Variants in POU1F1 observed in about 807,000 individuals in gnomAD.
POU1F1 encodes the protein pituitary-specific positive transcription factor 1.
A neutral mutation model predicts 32.3 loss-of-function variants in POU1F1; 23 were observed. The ratio of observed to expected loss-of-function variants is 0.71; its 90% CI spans 0.51 to 1.01. The LOEUF (loss-of-function observed/expected upper bound fraction) is 1.01, where lower values mean the gene tolerates loss of function less well. Ranked by LOEUF, POU1F1 falls within the 50% of genes least tolerant of loss-of-function variation. The probability of loss-of-function intolerance (pLI) is 0.00; values close to 1 mark genes in which losing one functional copy is unlikely to be tolerated. For missense variants in POU1F1, 323 were observed against 341.6 expected, an observed-to-expected ratio of 0.95 and a Z score of 0.43; for synonymous variants, 120 against 115.6, an observed-to-expected ratio of 1.04 and a Z score of -0.25.
At chr3:87,265,444 T>A (rs939578018) in intron 2 of POU1F1, among the ~76,000 whole-genome samples, 3 of 152,048 alleles carry the variant, frequency 2.0e-5, no homozygotes, top group African/African-American at 7.2e-5. Flanking sequence ...CTATCTCAGT[T>A]GGGAAGTATA....
chr3:87,266,125 T>C (rs1167263505), intron 2 of POU1F1, among the ~76,000 whole-genome samples: 1 of 149,746 alleles, frequency 6.7e-6, no homozygotes, highest in African/African-American at 2.4e-5. Flanking sequence ...TACATTAATA[T>C]ATCAATATAT....
intron 2 of POU1F1, among the ~76,000 whole-genome samples, chr3:87,268,827 G>T (rs1354768283): frequency 6.6e-6 from 1 of 152,116 alleles, no homozygotes; most frequent in Non-Finnish European, 1.5e-5. Flanking sequence ...TTTCTAAATT[G>T]CTATGTATGC....
chr3:87,274,971 T>A (rs922191416), intron 1 of POU1F1, among the ~76,000 whole-genome samples: 1 of 151,966 alleles, frequency 6.6e-6, no homozygotes, highest in Non-Finnish European at 1.5e-5. Flanking sequence ...TTTACTAGAT[T>A]ATTACCTCGA....
chr3:87,276,568 T>C lies in POU1F1; in HGVS notation c.-106A>G. The C allele has an allele frequency of 7.5e-7, 1 of 1,338,872 alleles. No homozygotes were observed. Among genetic ancestry groups the C allele is most frequent in the Non-Finnish European group, 1.0e-6 (1 of 959,386 alleles). The allele number at this position is 1,338,872 out of a possible 1,614,324, so 82.9% of individuals were successfully genotyped here. On this transcript the variant is annotated 5_prime_UTR_variant, in exon 1 of 6. Coordinates refer to ENST00000350375, the MANE Select transcript of POU1F1 (RefSeq NM_000306.4). ...ATTCAATTCTCACTACCTGCATATATACATCAGGAAGGCTCTGAGGCACCA... is the reference window on the plus strand; with the variant it reads ...ATTCAATTCTCACTACCTGCATATACACATCAGGAAGGCTCTGAGGCACCA...
At chr3:87,268,390 AGCCACT>A (rs1706666714) in intron 2 of POU1F1, among the ~76,000 whole-genome samples, 1 of 152,036 alleles carries the variant, frequency 6.6e-6, no homozygotes, top group South Asian at 2.1e-4. Context: ...TACAGTTGTG[AGCCACT>A]GCACCTGGTT....
chr3:87,272,649 T>C (rs970822371), intron 2 of POU1F1, among the ~76,000 whole-genome samples: 12 of 152,180 alleles, frequency 7.9e-5, no homozygotes, highest in Admixed American at 6.6e-4. Context: ...CCATAATTGA[T>C]ACAGTCATAC....
intron 2 of POU1F1, among the ~76,000 whole-genome samples, chr3:87,265,807 C>T (rs1029569447): frequency 6.6e-6 from 1 of 151,846 alleles, no homozygotes; most frequent in Non-Finnish European, 1.5e-5. Flanking sequence ...AAATACTACA[C>T]CATTTTATAC....
At chr3:87,276,068 A>G (rs903460112) in intron 1 of POU1F1, among the ~76,000 whole-genome samples, 1 of 152,144 alleles carries the variant, frequency 6.6e-6, no homozygotes, top group Non-Finnish European at 1.5e-5. Context: ...TTCTTTTCTT[A>G]TGTAGAAAAC....
chr3:87,260,091 C>T lies in POU1F1; in HGVS notation c.679G>A (p.Asp227Asn). The change falls in exon 6 of 6, where the codon GAT becomes AAT. Residue 227 changes from aspartate to asparagine, a missense_variant. Physicochemically the swap from Asp to Asn is conservative, Grantham distance 23 (BLOSUM62 1). Coordinates refer to ENST00000350375, the MANE Select transcript of POU1F1 (RefSeq NM_000306.4). ...RRTTISIAAK[D>N]ALERHFGEQN... ...TCTCCAAAGTGTCTCTCCAGAGCAT[C>T]TTTAGCAGCAATGCTGGCGGGGGGT... 1.9e-6 allele frequency: 3 copies of T among 1,613,544 alleles called. No homozygotes were observed. The highest frequency in any genetic ancestry group is 2.5e-6 in the Non-Finnish European group (3 of 1,179,824).
At position 87,259,903 on chromosome 3, in the gene POU1F1, C is replaced by T. The variant is rs144079829; in HGVS notation, c.867G>A (p.Glu289=). 11 of 1,613,354 alleles carry T rather than the reference C, an allele frequency of 6.8e-6. No homozygotes were observed. In the Admixed American group the frequency reaches 8.3e-5, roughly 12 times the overall value. ...SLFSISKEHL[E]CR is the part of the protein sequence containing the mutation. ...ATACAATAGAAAAATCTTATCTGCACTCAAGATGTTCCTTAGAAATAGAAA... is the reference window on the plus strand; with the variant it reads ...ATACAATAGAAAAATCTTATCTGCATTCAAGATGTTCCTTAGAAATAGAAA... The change falls in exon 6 of 6, where the codon GAG becomes GAA. Residue 289 remains glutamate (E), a synonymous_variant. Transcript: ENST00000350375.
chr3:87,268,890 G>T (rs912677808), intron 2 of POU1F1, among the ~76,000 whole-genome samples: 2 of 152,154 alleles, frequency 1.3e-5, no homozygotes, highest in East Asian at 1.9e-4. Context: ...TTTAAAGCAG[G>T]CAATGGGGGT....
intron 2 of POU1F1, among the ~76,000 whole-genome samples, chr3:87,272,926 A>T (rs1472233160): frequency 6.6e-6 from 1 of 152,168 alleles, no homozygotes; most frequent in Non-Finnish European, 1.5e-5. Context: ...GAGCACTTGA[A>T]ATGTAGCAAG....
At chr3:87,260,930 A>T (rs1312997263) in intron 5 of POU1F1, among the ~76,000 whole-genome samples, 2 of 144,208 alleles carry the variant, frequency 1.4e-5, no homozygotes, top group African/African-American at 2.6e-5. Context: ...ATTTATTTTG[A>T]GACGGTGTCT....
intron 1 of POU1F1, among the ~76,000 whole-genome samples, chr3:87,273,900 T>C (rs1463890057): frequency 6.6e-6 from 1 of 152,200 alleles, no homozygotes; most frequent in Non-Finnish European, 1.5e-5. Flanking sequence ...AGAAATTCAC[T>C]CTTGAACAGC....
chr3:87,268,327 G>A (rs560764369), intron 2 of POU1F1, among the ~76,000 whole-genome samples: 35 of 151,574 alleles, frequency 2.3e-4, no homozygotes, highest in African/African-American at 2.7e-4. Flanking sequence ...GGCTATTCTC[G>A]GACTCCTGAC....
chr3:87,272,172 T>C (rs1419849050), intron 2 of POU1F1, among the ~76,000 whole-genome samples: 1 of 151,952 alleles, frequency 6.6e-6, no homozygotes, highest in Non-Finnish European at 1.5e-5. Context: ...CCACAGTTTT[T>C]CCCTCAGTAT....
At chr3:87,269,625 C>T (rs1337171199) in intron 2 of POU1F1, among the ~76,000 whole-genome samples, 1 of 152,104 alleles carries the variant, frequency 6.6e-6, no homozygotes, top group African/African-American at 2.4e-5. Flanking sequence ...TGTCAGTTGC[C>T]AGGCTGATTT....
intron 5 of POU1F1, among the ~76,000 whole-genome samples, chr3:87,260,820 T>C (rs1325609076): frequency 6.6e-6 from 1 of 151,826 alleles, no homozygotes; most frequent in Admixed American, 6.6e-5. Flanking sequence ...ATGTTGAAAA[T>C]TATTAGCTCT....
intron 3 of POU1F1, 85 bp downstream of exon 3, chr3:87,264,202 AC>A: frequency 2.8e-6 from 3 of 1,060,008 alleles, no homozygotes; most frequent in Non-Finnish European, 1.5e-6. Flanking sequence ...ATCATCTTGT[AC>A]TTTTTAGCAA....
Sources: allele counts gnomAD v4.1 joint callset (sites outside exome capture counted in the v4.1 genomes callset), GRCh38; gene constraint gnomAD v4.1.1; transcripts MANE v1.5; gene names NCBI Gene and HGNC (gene_info 2026-07-23, HGNC 2026-07-21).